The following CCDC73 variants were observed in gnomAD, a reference collection of about 807,000 sequenced individuals.
CCDC73 encodes the protein coiled-coil domain-containing protein 73.
A neutral mutation model predicts 116.5 loss-of-function variants in CCDC73; 95 were observed. That is an observed-to-expected ratio of 0.82 (90% CI 0.69 to 0.97). The LOEUF (loss-of-function observed/expected upper bound fraction) is 0.97. Ranked by LOEUF, CCDC73 falls within the 50% of genes least tolerant of loss-of-function variation. The pLI, the probability that CCDC73 is intolerant of heterozygous loss-of-function variation, is 0.00. For synonymous variants in CCDC73, 398 were observed against 401.3 expected (o/e 0.99, Z 0.10); for missense variants, 1,066 against 1,206.8 (o/e 0.88, Z 1.73).
intron 2 of CCDC73, among the ~76,000 whole-genome samples, chr11:32,748,713 T>G (rs1850261928): frequency 6.6e-6 from 1 of 152,246 alleles, no homozygotes; most frequent in Non-Finnish European, 1.5e-5. Flanking sequence ...TGAAGACTTC[T>G]CTTTAGCATT....
At chr11:32,721,744 C>G (rs1384665121) in intron 2 of CCDC73, among the ~76,000 whole-genome samples, 1 of 151,856 alleles carries the variant, frequency 6.6e-6, no homozygotes, top group East Asian at 1.9e-4. Context: ...ACTACAGGCA[C>G]CCGCCACAGT....
intron 9 of CCDC73, among the ~76,000 whole-genome samples, chr11:32,672,072 C>T (rs1856044449): frequency 6.6e-6 from 1 of 152,136 alleles, no homozygotes; most frequent in African/African-American, 2.4e-5. Flanking sequence ...ATAGGCAGGC[C>T]AGGCATGGTG....
rs760541073 is a variant in CCDC73, at chr11:32,675,517, T to C, written c.645+48A>G. On this transcript the variant is annotated intron_variant, in intron 9 of 17. Transcript: ENST00000335185. ...CTCTAGTAATAGCGCATAAGACTAT[T>C]TTATATTATAATTTTTACTTAGTAG... The C allele has an allele frequency of 6.6e-6, 8 of 1,209,740 alleles. No homozygotes were observed. In the Admixed American group the frequency reaches 1.8e-4, roughly 28 times the overall value. The allele number at this position is 1,209,740 out of a possible 1,614,324, so 74.9% of individuals were successfully genotyped here.
chr11:32,758,728 T>C (rs1288518487), intron 2 of CCDC73: 2 of 227,466 alleles, frequency 8.8e-6, no homozygotes, highest in Non-Finnish European at 1.8e-5. Flanking sequence ...GTTGGAAATA[T>C]AAACAGACCA....
chr11:32,727,582 C>CT (rs34389401), intron 2 of CCDC73, among the ~76,000 whole-genome samples: 11,281 of 150,986 alleles, frequency 0.075, 474 homozygotes, highest in South Asian at 0.12. Context: ...ATTTTTTTTT[C>CT]TTTTTTTTGA....
chr11:32,609,531 C>G (rs1855393811), intron 17 of CCDC73, among the ~76,000 whole-genome samples: 1 of 152,176 alleles, frequency 6.6e-6, no homozygotes, highest in South Asian at 2.1e-4. Flanking sequence ...TCCAAATTTT[C>G]CCACATTTTC....
chr11:32,830,506 AGTTT>A, the CCDC73 span: 62 of 1,494,422 alleles, frequency 4.1e-5, no homozygotes, highest in Non-Finnish European at 5.2e-5. Context: ...TGTTTGTTTT[AGTTT>A]GTTTGACAGT....
At chr11:32,754,611 A>G (rs1285424682) in intron 2 of CCDC73, among the ~76,000 whole-genome samples, 1 of 152,178 alleles carries the variant, frequency 6.6e-6, no homozygotes, top group Non-Finnish European at 1.5e-5. Context: ...AGATCTTAAG[A>G]GCAAATAGAA....
At position 32,707,151 on chromosome 11, in the gene CCDC73, G is replaced by C. The variant is rs1188769591; in HGVS notation, c.208-4207C>G. 5.3e-5 allele frequency among the ~76,000 whole-genome samples: 8 copies of C among 152,004 alleles called. No individual in the cohort carries two copies. The East Asian group carries it at 1.5e-3, about 29-fold the overall frequency. ...GAAGAACTAAAGCCAATAGTCCAAA[G>C]GCCTAATAGAGAAAAGATGAGTCAT... is the stretch of plus-strand genomic sequence containing the variant. On this transcript the variant is annotated intron_variant, in intron 3 of 17. Transcript: ENST00000335185.
intron 9 of CCDC73, among the ~76,000 whole-genome samples, chr11:32,666,212 G>C (rs11031926): frequency 0.27 from 41,234 of 152,098 alleles, 6,467 homozygotes; most frequent in East Asian, 0.79. Context: ...GGCCTGCCTT[G>C]CTAGGTTGGG....
At chr11:32,612,280 G>T (rs1316589010) in intron 16 of CCDC73, among the ~76,000 whole-genome samples, 1 of 152,014 alleles carries the variant, frequency 6.6e-6, no homozygotes, top group Non-Finnish European at 1.5e-5. Flanking sequence ...AACAACCTTA[G>T]CAACTTTTGA....
chr11:32,706,712 C>G (rs1341438277), intron 3 of CCDC73, among the ~76,000 whole-genome samples: 3 of 152,164 alleles, frequency 2.0e-5, no homozygotes, highest in African/African-American at 7.2e-5. Context: ...ATGAGCTACA[C>G]AGATAGGGGT....
intron 14 of CCDC73, among the ~76,000 whole-genome samples, chr11:32,621,592 C>T (rs1351981164): frequency 1.3e-5 from 2 of 152,120 alleles, no homozygotes; most frequent in African/African-American, 4.8e-5. Context: ...CTACCCAATA[C>T]CATTCAGGAC....
intron 6 of CCDC73, among the ~76,000 whole-genome samples, chr11:32,697,247 CT>C (rs900596148): frequency 2.0e-5 from 3 of 152,000 alleles, no homozygotes; most frequent in African/African-American, 7.2e-5. Context: ...TGATTTCACC[CT>C]AAATACTTCA....
intron 3 of CCDC73, among the ~76,000 whole-genome samples, chr11:32,711,162 G>A (rs2003147449): frequency 6.6e-6 from 1 of 152,092 alleles, no homozygotes; most frequent in South Asian, 2.1e-4. Flanking sequence ...TGTGGAGGTG[G>A]TAAAAGGGAA....
At chr11:32,772,326 A>G (rs1850498487) in intron 1 of CCDC73, among the ~76,000 whole-genome samples, 1 of 152,134 alleles carries the variant, frequency 6.6e-6, no homozygotes. Flanking sequence ...TAAGTAATGC[A>G]TTAGTCAATA....
intron 3 of CCDC73, among the ~76,000 whole-genome samples, chr11:32,711,519 C>G (rs750599196): frequency 6.7e-6 from 1 of 148,494 alleles, no homozygotes; most frequent in Non-Finnish European, 1.5e-5. Context: ...AGACTTTATG[C>G]CAAATATCAT....
chr11:32,743,009 G>T (rs180843839), intron 2 of CCDC73, among the ~76,000 whole-genome samples: 1 of 152,222 alleles, frequency 6.6e-6, no homozygotes, highest in East Asian at 1.9e-4. Flanking sequence ...TGTTCCATTG[G>T]TCTATATATC....
chr11:32,644,402 G>A (rs1003522529), intron 12 of CCDC73, among the ~76,000 whole-genome samples: 3 of 152,078 alleles, frequency 2.0e-5, no homozygotes, highest in African/African-American at 7.2e-5. Flanking sequence ...GAAATACTCT[G>A]TACACCAAAC....
Sources: gnomAD v4.1 joint callset for allele counts (sites outside exome capture counted in the v4.1 genomes callset) on GRCh38, gnomAD v4.1.1 for gene constraint, MANE v1.5 for transcripts, NCBI Gene and HGNC (gene_info 2026-07-23, HGNC 2026-07-21) for gene names.